WWOX: variants seen among roughly 807,000 people sequenced by gnomAD.
The protein encoded by WWOX is WW domain-containing oxidoreductase.
A neutral mutation model predicts 46.2 loss-of-function variants in WWOX; 69 were observed. That is an observed-to-expected ratio of 1.49 (90% confidence interval 1.23 to 1.82). WWOX has a LOEUF of 1.82. WWOX is among the 40% of genes most tolerant of loss of function. The probability of loss-of-function intolerance (pLI) is 0.00; values close to 1 mark genes in which losing one functional copy is unlikely to be tolerated. For missense variants in WWOX, 919 were observed against 542.6 expected (o/e 1.69, Z -6.89); for synonymous variants, 359 against 202.6 (o/e 1.77, Z -6.56).
At chr16:78,990,936 G>A (rs902966775) in intron 8 of WWOX, among the ~76,000 whole-genome samples, 3 of 152,106 alleles carry the variant, frequency 2.0e-5, no homozygotes, top group South Asian at 2.1e-4. Flanking sequence ...TGCTGAGAAA[G>A]AAGAACCGAC....
chr16:78,462,089 A>G lies in WWOX; in HGVS notation c.1056+29337A>G, dbSNP rs113043802. Among the ~76,000 whole-genome samples, 549 of 152,334 alleles carry G rather than the reference A, an allele frequency of 3.6e-3. 4 individuals are homozygous for G. Among genetic ancestry groups the G allele is most frequent in the African/African-American group, 0.012 (510 of 41,572 alleles). On this transcript the variant is annotated intron_variant, in intron 8 of 8. Coordinates refer to ENST00000566780, the MANE Select transcript of WWOX (RefSeq NM_016373.4). Reference sequence around the variant, plus strand: ...CTTTTGACCAGGGTCTAGCAGTCATATATTAGAATGCTGCTCTTGAAGGCA... The same window carrying G: ...CTTTTGACCAGGGTCTAGCAGTCATGTATTAGAATGCTGCTCTTGAAGGCA...
At chr16:78,922,957 T>G (rs998764856) in intron 8 of WWOX, among the ~76,000 whole-genome samples, 1 of 150,322 alleles carries the variant, frequency 6.7e-6, no homozygotes, top group Non-Finnish European at 1.5e-5. Context: ...ATATTCCATA[T>G]TCAGGAGGCA....
rs77438719 is a variant in WWOX, at chr16:78,136,311, G to A, written c.409+21157G>A. Among the ~76,000 whole-genome samples the A allele has an allele frequency of 8.1e-3, 1,239 of 152,314 alleles. 16 individuals are homozygous for A. Among genetic ancestry groups the A allele is most frequent in the African/African-American group, 0.028 (1,171 of 41,568 alleles). Reference sequence around the variant, plus strand: ...GTGATACAGTGAAACAAGGAAGAACGTGTAGCTGGAAAAATAGTATTTGCT... The same window carrying A: ...GTGATACAGTGAAACAAGGAAGAACATGTAGCTGGAAAAATAGTATTTGCT... On this transcript the variant is annotated intron_variant, in intron 4 of 8. Coordinates refer to ENST00000566780, the MANE Select transcript of WWOX (RefSeq NM_016373.4).
At chr16:78,309,998 G>T (rs570508950) in intron 5 of WWOX, among the ~76,000 whole-genome samples, 2 of 152,230 alleles carry the variant, frequency 1.3e-5, no homozygotes, top group South Asian at 4.2e-4. Context: ...TACGCATTTA[G>T]TTACTGTCGC....
chr16:79,208,420 C>T (rs1057459154), intron 8 of WWOX, among the ~76,000 whole-genome samples: 1 of 151,954 alleles, frequency 6.6e-6, no homozygotes, highest in Non-Finnish European at 1.5e-5. Flanking sequence ...ATAGCTCCAG[C>T]CAGTGTTTGT....
At chr16:78,578,259 T>C (rs1159984461) in intron 8 of WWOX, among the ~76,000 whole-genome samples, 7 of 23,534 alleles carry the variant, frequency 3.0e-4, no homozygotes, top group Non-Finnish European at 6.8e-4. Flanking sequence ...AAATTTTATA[T>C]ATATATATAT....
intron 8 of WWOX, among the ~76,000 whole-genome samples, chr16:79,035,874 C>T (rs891720471): frequency 4.6e-5 from 7 of 152,220 alleles, no homozygotes; most frequent in South Asian, 2.1e-4. Flanking sequence ...GGATTACAGG[C>T]GTGAGCCACT....
intron 8 of WWOX, among the ~76,000 whole-genome samples, chr16:79,056,552 A>T (rs13337209): frequency 1.3e-5 from 2 of 151,010 alleles, no homozygotes; most frequent in African/African-American, 4.8e-5. Context: ...GGGGTTGGAT[A>T]ATTTTTTGTT....
intron 8 of WWOX, among the ~76,000 whole-genome samples, chr16:78,900,146 G>C (rs768035723): frequency 1.3e-4 from 19 of 147,392 alleles, no homozygotes; most frequent in Non-Finnish European, 2.5e-4. Flanking sequence ...AAATGAAGGA[G>C]TCAGTAACAA....
At chr16:79,098,530 A>G (rs995771311) in intron 8 of WWOX, among the ~76,000 whole-genome samples, 13 of 152,236 alleles carry the variant, frequency 8.5e-5, no homozygotes, top group South Asian at 2.1e-4. Context: ...TTGCATTTCA[A>G]TGGATTTCTC....
At chr16:78,756,902 G>T (rs539029067) in intron 8 of WWOX, 5 of 702,810 alleles carry the variant, frequency 7.1e-6, no homozygotes, top group Non-Finnish European at 1.3e-5. Flanking sequence ...TAAAAATATT[G>T]AGGCTTCTGC....
chr16:78,933,057 T>G (rs2045658666), intron 8 of WWOX, among the ~76,000 whole-genome samples: 1 of 152,180 alleles, frequency 6.6e-6, no homozygotes, highest in Non-Finnish European at 1.5e-5. Context: ...AGGGCTGGAC[T>G]GGGGGAGCAA....
chr16:78,867,672 C>T (rs1039462197), intron 8 of WWOX, among the ~76,000 whole-genome samples: 1 of 152,030 alleles, frequency 6.6e-6, no homozygotes, highest in Non-Finnish European at 1.5e-5. Context: ...TCACGAGTAG[C>T]TGGGATTTCA....
chr16:78,676,079 A>G (rs2047591306), intron 8 of WWOX, among the ~76,000 whole-genome samples: 1 of 152,056 alleles, frequency 6.6e-6, no homozygotes, highest in Admixed American at 6.6e-5. Context: ...TCCAGACGTT[A>G]CTACTCCATA....
chr16:79,107,310 A>C (rs2049330710), intron 8 of WWOX, among the ~76,000 whole-genome samples: 1 of 149,514 alleles, frequency 6.7e-6, no homozygotes, highest in Non-Finnish European at 1.5e-5. Context: ...TTGGTCTTCA[A>C]CTCCTGAGCT....
At chr16:79,135,518 G>T (rs76939177) in intron 8 of WWOX, among the ~76,000 whole-genome samples, 5,295 of 152,070 alleles carry the variant, frequency 0.035, 154 homozygotes, top group Non-Finnish European at 0.041. Flanking sequence ...TCTAATCTTT[G>T]CATATTATAA....
chr16:78,214,077 C>A (rs2036642826), intron 5 of WWOX, among the ~76,000 whole-genome samples: 1 of 152,160 alleles, frequency 6.6e-6, no homozygotes, highest in Non-Finnish European at 1.5e-5. Flanking sequence ...ACCTTGCCTC[C>A]CCTGCTGCCC....
intron 8 of WWOX, among the ~76,000 whole-genome samples, chr16:79,074,883 T>TAA (rs60594960): frequency 4.9e-4 from 74 of 150,722 alleles, no homozygotes; most frequent in East Asian, 1.2e-3. Context: ...ACAGAACCTT[T>TAA]AAAAAAAAAG....
intron 8 of WWOX, among the ~76,000 whole-genome samples, chr16:78,899,809 T>A (rs895808766): frequency 2.6e-5 from 4 of 152,194 alleles, no homozygotes; most frequent in South Asian, 2.1e-4. Flanking sequence ...GTGTTGTAGC[T>A]TGGAAAACTA....
Sources: gnomAD v4.1 joint callset for allele counts (sites outside exome capture counted in the v4.1 genomes callset) on GRCh38, gnomAD v4.1.1 for gene constraint, MANE v1.5 for transcripts, NCBI Gene and HGNC (gene_info 2026-07-23, HGNC 2026-07-21) for gene names.